KIF21A: variants seen among roughly 807,000 people sequenced by gnomAD.
KIF21A encodes the protein kinesin family member 21A, also known as kinesin-like protein KIF21A.
A neutral mutation model predicts 202.9 loss-of-function variants in KIF21A; 114 were observed. The ratio of observed to expected loss-of-function variants is 0.56; its 90% CI spans 0.48 to 0.66. The LOEUF (loss-of-function observed/expected upper bound fraction) is 0.66, where lower values mean the gene tolerates loss of function less well. KIF21A is among the 30% of genes least tolerant of loss of function. The pLI, the probability that KIF21A is intolerant of heterozygous loss-of-function variation, is 0.00. For missense variants in KIF21A, 1,677 were observed against 1,994.9 expected (o/e 0.84, Z 3.04); for synonymous variants, 667 against 670.8 (o/e 0.99, Z 0.09).
At position 39,340,906 on chromosome 12, in the gene KIF21A, C is replaced by T. The variant is rs1232370864; in HGVS notation, c.2110G>A (p.Gly704Ser). ...LERDQVLQNL[G>S]SVESYSEEKA... is the part of the protein sequence containing the mutation. ...CATTTGAATTAAATATAATTCTTACCTAAGTTTTGAAGCACCTGGTCTCTT... is the reference window on the plus strand; with the variant it reads ...CATTTGAATTAAATATAATTCTTACTTAAGTTTTGAAGCACCTGGTCTCTT... Residue 704 changes from glycine (G) to serine (S), a missense_variant and splice_region_variant, in exon 15 of 38, where the codon GGC becomes AGC. By Grantham distance (56) the Gly-to-Ser change is moderately conservative. Transcript: ENST00000361418. The T allele has an allele frequency of 6.3e-7, 1 of 1,598,478 alleles. No individual in the cohort carries two copies. Among genetic ancestry groups the T allele is most frequent in the South Asian group, 1.1e-5 (1 of 90,444 alleles).
intron 34 of KIF21A, among the ~76,000 whole-genome samples, chr12:39,306,984 C>T (rs1943532814): frequency 6.6e-6 from 1 of 152,016 alleles, no homozygotes; most frequent in South Asian, 2.1e-4. Context: ...CATAAACACT[C>T]AACTAAAGGA....
intron 6 of KIF21A, among the ~76,000 whole-genome samples, chr12:39,365,566 T>C (rs952446526): frequency 2.0e-5 from 3 of 152,238 alleles, no homozygotes; most frequent in Non-Finnish European, 2.9e-5. Flanking sequence ...GGCATGGTAT[T>C]AAAGTTAATT....
chr12:39,303,109 A>G lies in KIF21A; in HGVS notation c.4587T>C (p.Leu1529=), dbSNP rs1247854948. 1.9e-6 allele frequency: 3 copies of G among 1,614,108 alleles called. No individual in the cohort carries two copies. Among genetic ancestry groups the G allele is most frequent in the Non-Finnish European group, 2.5e-6 (3 of 1,179,978 alleles). ...AATTGTGGGTGGGACTCACAGTCCC[A>G]AGAGCTCCTTCTGTAACATCAAACA... The part of the protein sequence containing the change: ...IKMFDVTEGA[L]GTVSPTHNFE... Residue 1529 remains leucine (L), a synonymous_variant, in exon 36 of 38, where the codon CTT becomes CTC. Transcript: ENST00000361418.
intron 27 of KIF21A, among the ~76,000 whole-genome samples, chr12:39,320,932 CAAA>C (rs59613512): frequency 4.3e-4 from 7 of 16,140 alleles, no homozygotes; most frequent in African/African-American, 1.4e-3. Flanking sequence ...AAGACTCTGC[CAAA>C]AAAAAAAAAA....
intron 11 of KIF21A, among the ~76,000 whole-genome samples, chr12:39,350,430 A>G (rs1948272669): frequency 6.6e-6 from 1 of 152,044 alleles, no homozygotes; most frequent in Non-Finnish European, 1.5e-5. Flanking sequence ...ATTTATGAAT[A>G]CAAATGACCT....
chr12:39,325,313 C>A (rs1372490809), intron 26 of KIF21A, among the ~76,000 whole-genome samples: 1 of 150,112 alleles, frequency 6.7e-6, no homozygotes, highest in African/African-American at 2.5e-5. Flanking sequence ...TACAGTAAAG[C>A]CCAATTTCCA....
Position 39,442,550 on chromosome 12 carries a change from A to C in KIF21A, c.44+377T>G, listed in dbSNP as rs1031762748. ...AAAAAAGAACACCACAGCCCCGCGC[A>C]CAGGCAGCTCCTCCCGGACAGGCGA... On this transcript the variant is annotated intron_variant, in intron 1 of 37. Transcript: ENST00000361418. The surrounding 1 kb of genome is among the most constrained non-coding windows in gnomAD (Gnocchi z 5.0). Among the ~76,000 whole-genome samples the C allele has an allele frequency of 2.6e-5, 4 of 152,182 alleles. No homozygotes were observed. The highest frequency in any genetic ancestry group is 5.9e-5 in the Non-Finnish European group (4 of 68,012).
intron 32 of KIF21A, among the ~76,000 whole-genome samples, chr12:39,310,151 C>G (rs1338119078): frequency 1.3e-5 from 2 of 152,052 alleles, no homozygotes; most frequent in African/African-American, 4.8e-5. Flanking sequence ...ATTCTCAACA[C>G]TAGTAAATAT....
chr12:39,332,032 A>C, intron 21 of KIF21A, 182 bp downstream of exon 21: 2 of 675,050 alleles, frequency 3.0e-6, no homozygotes, highest in East Asian at 5.4e-5. Context: ...AACAAATGTT[A>C]TCACACAATC....
chr12:39,374,701 A>G (rs2139284751), intron 1 of KIF21A, among the ~76,000 whole-genome samples: 1 of 152,288 alleles, frequency 6.6e-6, no homozygotes, highest in South Asian at 2.1e-4. Flanking sequence ...TGATAATTAC[A>G]ATAATATAAC....
intron 1 of KIF21A, among the ~76,000 whole-genome samples, chr12:39,410,067 G>C (rs960969010): frequency 4.6e-5 from 7 of 152,090 alleles, no homozygotes; most frequent in African/African-American, 1.7e-4. Flanking sequence ...CTGACCTCAG[G>C]TGATCTGCCC....
chr12:39,301,846 G>A (rs879349772), intron 36 of KIF21A, among the ~76,000 whole-genome samples, 167 bp from the exon 37 acceptor site: 4 of 152,136 alleles, frequency 2.6e-5, no homozygotes, highest in African/African-American at 9.7e-5. Context: ...AGAAATAAAC[G>A]GATAATTTGC....
Position 39,351,847 on chromosome 12 carries a change from T to C in KIF21A, c.1603A>G (p.Ile535Val). The C allele has an allele frequency of 3.1e-6, 5 of 1,608,338 alleles. No homozygotes were observed. Among genetic ancestry groups the C allele is most frequent in the Non-Finnish European group, 3.4e-6 (4 of 1,175,212 alleles). ...PTILSSDKET[I>V]EIIDLAKKDL... ...TTTTTTGCTAGGTCTATAATTTCAA[T>C]GGTTTCTTTGTCTGAGGATAGTATG... The change falls in exon 11 of 38, where the codon ATT (isoleucine) becomes GTT (valine). Residue 535 changes from isoleucine to valine, a missense_variant. Coordinates refer to ENST00000361418, the MANE Select transcript of KIF21A (RefSeq NM_001173464.2).
At chr12:39,402,831 G>A (rs994275960) in intron 1 of KIF21A, among the ~76,000 whole-genome samples, 51 of 152,166 alleles carry the variant, frequency 3.4e-4, no homozygotes, top group African/African-American at 1.2e-3. Context: ...TTCTTCCAAT[G>A]TGACCCAGGG....
At chr12:39,351,137 C>T (rs1457701569) in intron 11 of KIF21A, among the ~76,000 whole-genome samples, 1 of 151,994 alleles carries the variant, frequency 6.6e-6, no homozygotes, top group Non-Finnish European at 1.5e-5. Context: ...TCATTTTCTT[C>T]CTCTCCTTTG....
At position 39,331,735 on chromosome 12, in the gene KIF21A, T is replaced by C. The variant is rs765342072; in HGVS notation, c.3108A>G (p.Glu1036=). 2.5e-6 allele frequency: 4 copies of C among 1,613,708 alleles called. No homozygotes were observed. Among genetic ancestry groups the C allele is most frequent in the Non-Finnish European group, 2.5e-6 (3 of 1,179,770 alleles). ...TAVINACTLT[E]ARYLLDHFLS... ...GGAAGTGATCTAGCAGGTATCGGGC[T>C]TCTGTAAGGGTGCAGGCATTAATGA... Residue 1036 remains glutamate, a synonymous_variant, in exon 22 of 38, where the codon GAA becomes GAG. Coordinates refer to ENST00000361418, the MANE Select transcript of KIF21A (RefSeq NM_001173464.2).
intron 7 of KIF21A, among the ~76,000 whole-genome samples, chr12:39,361,409 T>A (rs528241636): frequency 6.6e-6 from 1 of 152,036 alleles, no homozygotes; most frequent in East Asian, 1.9e-4. Context: ...GAAAACTGCA[T>A]CCATACATAG....
intron 1 of KIF21A, among the ~76,000 whole-genome samples, chr12:39,406,096 C>T (rs1365708816): frequency 6.6e-6 from 1 of 151,802 alleles, no homozygotes; most frequent in Admixed American, 6.6e-5. Context: ...AGTAACAGAA[C>T]AGAGCCTGAA....
intron 16 of KIF21A, among the ~76,000 whole-genome samples, chr12:39,337,904 G>A (rs1283501261): frequency 6.6e-6 from 1 of 152,094 alleles, no homozygotes; most frequent in African/African-American, 2.4e-5. Context: ...GTCATATTAA[G>A]TATAGTCCAC....
Sources: gnomAD v4.1 joint callset for allele counts (sites outside exome capture counted in the v4.1 genomes callset) on GRCh38, gnomAD v4.1.1 for gene constraint, Gnocchi (gnomAD v3.1) non-coding constraint, MANE v1.5 for transcripts, NCBI Gene and HGNC (gene_info 2026-07-23, HGNC 2026-07-21) for gene names.